Variants in ALKBH6 observed in about 807,000 individuals in gnomAD.
ALKBH6 encodes probable RNA/DNA demethylase ALKBH6.
In ALKBH6, 20 loss-of-function variants were observed where a neutral mutation model predicts 25.1. The observed-to-expected ratio is 0.80, with a 90% CI of 0.56 to 1.16. The LOEUF (loss-of-function observed/expected upper bound fraction) is 1.16, where lower values mean the gene tolerates loss of function less well. Among genes scored for constraint, ALKBH6 ranks in the 50% most tolerant of loss-of-function variants. ALKBH6 has a pLI of 0.00. For synonymous variants in ALKBH6, 156 were observed against 147.5 expected (o/e 1.06, Z -0.42); for missense variants, 263 against 326.5 (o/e 0.81, Z 1.50).
rs1007247847 is a variant in ALKBH6 at position 36,013,712 on chromosome 19, A to C, written c.-25-290T>G. The C allele has an allele frequency of 1.9e-5, 24 of 1,237,198 alleles. No homozygotes were observed. In the East Asian group the frequency reaches 3.2e-4, roughly 16 times the overall value. 76.6% of individuals were successfully genotyped at this position (1,237,198 alleles called of 1,614,324 possible). On this transcript the variant is annotated intron_variant, in intron 1 of 6. Coordinates refer to ENST00000378875, the MANE Select transcript of ALKBH6 (RefSeq NM_032878.5). The surrounding 1 kb of genome is among the most constrained non-coding windows in gnomAD (Gnocchi z 4.6). ...CCCACAGAGAACATTCTCTGGCCCC[A>C]CACACAGGGAGCCTTTCTCAAAAGC...
At position 36,009,240 on chromosome 19, in the gene ALKBH6, G is replaced by C; in HGVS notation, c.*50C>G. On this transcript the variant is annotated 3_prime_UTR_variant, in exon 7 of 7. Coordinates refer to ENST00000378875, the MANE Select transcript of ALKBH6 (RefSeq NM_032878.5). The stretch of plus-strand genomic sequence containing the variant: ...GTTCCTAGGTCGCGGAGTCACAGCA[G>C]CCCCAAAGGGGCAGGAACCTGGGAA... The C allele has an allele frequency of 1.6e-6, 2 of 1,277,742 alleles. No homozygotes were observed. Among genetic ancestry groups the C allele is most frequent in the Non-Finnish European group, 2.0e-6 (2 of 1,013,174 alleles). 79.2% of individuals were successfully genotyped at this position (1,277,742 alleles called of 1,614,324 possible).
In ALKBH6 at chr19:36,009,255, G is replaced by T; in HGVS notation, c.*35C>A. 7.7e-7 allele frequency: 1 copy of T among 1,299,384 alleles called. No homozygotes were observed. 80.5% of individuals were successfully genotyped at this position (1,299,384 alleles called of 1,614,324 possible). A position where few individuals can be genotyped will look rare whatever the true frequency, so the allele number is the denominator to read the frequency against. Reference sequence around the variant, plus strand: ...AGTCACAGCAGCCCCAAAGGGGCAGGAACCTGGGAATCCGAGGGGTCCCGG... The same window carrying T: ...AGTCACAGCAGCCCCAAAGGGGCAGTAACCTGGGAATCCGAGGGGTCCCGG... On this transcript the variant is annotated 3_prime_UTR_variant, in exon 7 of 7. Transcript: ENST00000378875.
At chr19:36,011,295 G>T (rs878926311) in intron 4 of ALKBH6, 109 bp downstream of exon 4, 1 of 1,395,612 alleles carries the variant, frequency 7.2e-7, no homozygotes, top group Non-Finnish European at 9.8e-7. Context: ...GGCTCTTGGG[G>T]CCCCTTGAGC....
chr19:36,010,776 G>A lies in ALKBH6; in HGVS notation c.337-93C>T. 1.3e-6 allele frequency: 2 copies of A among 1,560,202 alleles called. No individual in the cohort carries two copies. The highest frequency in any genetic ancestry group is 3.4e-5 in the Admixed American group (2 of 59,662). ...GGCTTCCCAAGCCAGGGACAGGGAG[G>A]TGAATGCCTGTTTGGGAGATGTGGC... On this transcript the variant is annotated intron_variant, in intron 5 of 6. Transcript: ENST00000378875. This position sits in a 1 kb window ranked among gnomAD's most constrained non-coding sequence, Gnocchi z 5.5.
rs763617913 is a variant in ALKBH6 at position 36,010,881 on chromosome 19, G to A, written c.336+13C>T. 6.2e-7 allele frequency: 1 copy of A among 1,613,704 alleles called. No homozygotes were observed. The highest frequency in any genetic ancestry group is 8.5e-7 in the Non-Finnish European group (1 of 1,179,840). On this transcript the variant is annotated intron_variant, in intron 5 of 6. Coordinates refer to ENST00000378875, the MANE Select transcript of ALKBH6 (RefSeq NM_032878.5). The surrounding 1 kb of genome is among the most constrained non-coding windows in gnomAD (Gnocchi z 5.5). Reference sequence around the variant, plus strand: ...TCTGAGTGGGGGGACACGGGCCGAGGGTGTGTGGTTACCATGATGCCCTCC... The same window carrying A: ...TCTGAGTGGGGGGACACGGGCCGAGAGTGTGTGGTTACCATGATGCCCTCC...
At chr19:36,011,664 T>A (rs535931639) in intron 3 of ALKBH6, 200 bp from the exon 4 acceptor site, 1 of 559,156 alleles carries the variant, frequency 1.8e-6, no homozygotes, top group African/African-American at 1.9e-5. Flanking sequence ...AAAGCCCACC[T>A]GTGTCTACCA....
Position 36,009,280 on chromosome 19 carries a change from G to A in ALKBH6, c.*10C>T, listed in dbSNP as rs1463964650. On this transcript the variant is annotated 3_prime_UTR_variant, in exon 7 of 7. Coordinates refer to ENST00000378875, the MANE Select transcript of ALKBH6 (RefSeq NM_032878.5). Reference sequence around the variant, plus strand: ...GAACCTGGGAATCCGAGGGGTCCCGGCCCTGGCGGTCACTTGCCCAGCAGG... The same window carrying A: ...GAACCTGGGAATCCGAGGGGTCCCGACCCTGGCGGTCACTTGCCCAGCAGG... The A allele has an allele frequency of 1.0e-5, 14 of 1,342,410 alleles. No homozygotes were observed. The highest frequency in any genetic ancestry group is 3.6e-5 in the Admixed American group (1 of 28,116). 83.2% of individuals were successfully genotyped at this position (1,342,410 alleles called of 1,614,324 possible). A position where few individuals can be genotyped will look rare whatever the true frequency, so the allele number is the denominator to read the frequency against.
At position 36,013,953 on chromosome 19, in the gene ALKBH6, T is replaced by G. The variant is rs1050018831; in HGVS notation, c.-26+222A>C. 2 of 1,371,210 alleles carry G rather than the reference T, an allele frequency of 1.5e-6. No individual in the cohort carries two copies. The highest frequency in any genetic ancestry group is 1.9e-6 in the Non-Finnish European group (2 of 1,068,538). 84.9% of individuals were successfully genotyped at this position (1,371,210 alleles called of 1,614,324 possible). ...CCCCCCATTTGGACGCCCCTCGGAT[T>G]TCCCCTCCTGAGCGCCCCTTCACTC... On this transcript the variant is annotated intron_variant, in intron 1 of 6. Coordinates refer to ENST00000378875, the MANE Select transcript of ALKBH6 (RefSeq NM_032878.5). The surrounding 1 kb of genome is among the most constrained non-coding windows in gnomAD (Gnocchi z 4.6).
Position 36,009,537 on chromosome 19 carries a change from C to CG in ALKBH6, c.469dup (p.Arg157ProfsTer107). 1 of 931,570 alleles carries CG rather than the reference C, an allele frequency of 1.1e-6. No individual in the cohort carries two copies. The allele number at this position is 931,570 out of a possible 1,614,324, so 57.7% of individuals were successfully genotyped here. On this transcript the variant is annotated frameshift_variant, in exon 7 of 7. Transcript: ENST00000378875. LOFTEE classifies it high-confidence loss of function. ...TTCCAGCAGTAGCGAGGTGGTGGGC[C>CG]GGGGCGGAGGCCGAGGCTGCAGGGC...
Position 36,011,450 on chromosome 19 carries a change from T to C in ALKBH6, c.138A>G (p.Pro46=), listed in dbSNP as rs756857341. The change falls in exon 4 of 7, where the codon CCA becomes CCG. Residue 46 remains proline, a synonymous_variant. Coordinates refer to ENST00000378875, the MANE Select transcript of ALKBH6 (RefSeq NM_032878.5). ...CAGAGAGCTGGGTCCACTTTGGCTT[T>C]GGGGCATTAAAAACCTAAGAGGTGG... ...EYLLRQVFNA[P]KPKWTQLSGR... The C allele has an allele frequency of 2.5e-6, 4 of 1,613,684 alleles. No individual in the cohort carries two copies. The highest frequency in any genetic ancestry group is 3.4e-6 in the Non-Finnish European group (4 of 1,179,954).
At position 36,009,278 on chromosome 19, in the gene ALKBH6, C is replaced by G. The variant is rs1968506862; in HGVS notation, c.*12G>C. 1.5e-6 allele frequency: 2 copies of G among 1,338,044 alleles called. No homozygotes were observed. Among genetic ancestry groups the G allele is most frequent in the Admixed American group, 7.2e-5 (2 of 27,706 alleles). 82.9% of individuals were successfully genotyped at this position (1,338,044 alleles called of 1,614,324 possible). A position where few individuals can be genotyped will look rare whatever the true frequency, so the allele number is the denominator to read the frequency against. Reference sequence around the variant, plus strand: ...AGGAACCTGGGAATCCGAGGGGTCCCGGCCCTGGCGGTCACTTGCCCAGCA... The same window carrying G: ...AGGAACCTGGGAATCCGAGGGGTCCGGGCCCTGGCGGTCACTTGCCCAGCA... On this transcript the variant is annotated 3_prime_UTR_variant, in exon 7 of 7. Transcript: ENST00000378875.
At position 36,009,275 on chromosome 19, in the gene ALKBH6, T is replaced by C; in HGVS notation, c.*15A>G. ...GGCAGGAACCTGGGAATCCGAGGGG[T>C]CCCGGCCCTGGCGGTCACTTGCCCA... On this transcript the variant is annotated 3_prime_UTR_variant, in exon 7 of 7. Coordinates refer to ENST00000378875, the MANE Select transcript of ALKBH6 (RefSeq NM_032878.5). 1.5e-6 allele frequency: 2 copies of C among 1,335,856 alleles called. No homozygotes were observed. Among genetic ancestry groups the C allele is most frequent in the Non-Finnish European group, 1.9e-6 (2 of 1,044,044 alleles). The allele number at this position is 1,335,856 out of a possible 1,614,324, so 82.8% of individuals were successfully genotyped here.
At position 36,009,123 on chromosome 19, in the gene ALKBH6, A is replaced by G; in HGVS notation, c.*167T>C. 8.5e-7 allele frequency: 1 copy of G among 1,180,142 alleles called. No homozygotes were observed. Among genetic ancestry groups the G allele is most frequent in the East Asian group, 3.2e-5 (1 of 30,982 alleles). 73.1% of individuals were successfully genotyped at this position (1,180,142 alleles called of 1,614,324 possible). On this transcript the variant is annotated 3_prime_UTR_variant, in exon 7 of 7. Transcript: ENST00000378875. ...AAAATAAAAATATAAAACCAAGGAAAGATTTTTTTGTTTATTTGGTATGGG... is the reference window on the plus strand; with the variant it reads ...AAAATAAAAATATAAAACCAAGGAAGGATTTTTTTGTTTATTTGGTATGGG...
chr19:36,009,586 A>AAT, intron 6 of ALKBH6, 33 bp from the exon 7 acceptor site: 1 of 365,192 alleles, frequency 2.7e-6, no homozygotes, highest in Non-Finnish European at 3.6e-6. Flanking sequence ...GCAGGGCTCA[A>AAT]GAAGTCGGGG....
In ALKBH6 at chr19:36,009,534, G is replaced by T; in HGVS notation, c.473C>A (p.Pro158His). 8.0e-7 allele frequency: 1 copy of T among 1,257,740 alleles called. No individual in the cohort carries two copies. 77.9% of individuals were successfully genotyped at this position (1,257,740 alleles called of 1,614,324 possible). A position where few individuals can be genotyped will look rare whatever the true frequency, so the allele number is the denominator to read the frequency against. ...CGGTTCCAGCAGTAGCGAGGTGGTGGGCCGGGGCGGAGGCCGAGGCTGCAG... is the reference window on the plus strand; with the variant it reads ...CGGTTCCAGCAGTAGCGAGGTGGTGTGCCGGGGCGGAGGCCGAGGCTGCAG... ...PTEQPRPPPR[P>H]TTSLLLEPRS... Residue 158 changes from proline to histidine, a missense_variant, in exon 7 of 7, where the codon CCC (proline) becomes CAC (histidine). Transcript: ENST00000378875.
Position 36,010,725 on chromosome 19 carries a change from A to C in ALKBH6, c.337-42T>G, listed in dbSNP as rs1484046692. 1 of 1,593,268 alleles carries C rather than the reference A, an allele frequency of 6.3e-7. No homozygotes were observed. The highest frequency in any genetic ancestry group is 1.7e-4 in the Middle Eastern group (1 of 6,016). On this transcript the variant is annotated intron_variant, in intron 5 of 6. Transcript: ENST00000378875. This position sits in a 1 kb window ranked among gnomAD's most constrained non-coding sequence, Gnocchi z 5.5. Reference sequence around the variant, plus strand: ...AGGGCTGGGCAGGGCAGGAGTCCACAACCCCCACCCTCTGGGTCAAAGGGG... The same window carrying C: ...AGGGCTGGGCAGGGCAGGAGTCCACCACCCCCACCCTCTGGGTCAAAGGGG...
chr19:36,009,396 C>T lies in ALKBH6; in HGVS notation c.611G>A (p.Cys204Tyr). The change falls in exon 7 of 7, where the codon TGC (cysteine) becomes TAC (tyrosine). Residue 204 changes from cysteine (C) to tyrosine (Y), a missense_variant. Physicochemically the swap from Cys to Tyr is radical, Grantham distance 194. Coordinates refer to ENST00000378875, the MANE Select transcript of ALKBH6 (RefSeq NM_032878.5). ...GCAGGCTCCCGGCCGCGCCGACGGGCAGGCTGCCGCATTGGGCGGCGAGGA... is the reference window on the plus strand; with the variant it reads ...GCAGGCTCCCGGCCGCGCCGACGGGTAGGCTGCCGCATTGGGCGGCGAGGA... ...AASSPPNAAACPSARPGACLV... is the reference protein window; with the variant it reads ...AASSPPNAAAYPSARPGACLV... 1 of 1,252,022 alleles carries T rather than the reference C, an allele frequency of 8.0e-7. No individual in the cohort carries two copies. The highest frequency in any genetic ancestry group is 3.3e-5 in the South Asian group (1 of 30,370). The allele number at this position is 1,252,022 out of a possible 1,614,324, so 77.6% of individuals were successfully genotyped here. A position where few individuals can be genotyped will look rare whatever the true frequency, so the allele number is the denominator to read the frequency against.
chr19:36,011,943 G>A (rs1230896440), intron 3 of ALKBH6: 1 of 154,894 alleles, frequency 6.5e-6, no homozygotes, highest in Non-Finnish European at 1.4e-5. Context: ...AAACTTAGCT[G>A]GGCATGGTGG....
rs2145364937 is a variant in ALKBH6, at chr19:36,009,228, G to A, written c.*62C>T. 7.1e-6 allele frequency: 9 copies of A among 1,258,892 alleles called. No individual in the cohort carries two copies. Among genetic ancestry groups the A allele is most frequent in the Non-Finnish European group, 8.0e-6 (8 of 1,002,998 alleles). 78.0% of individuals were successfully genotyped at this position (1,258,892 alleles called of 1,614,324 possible). ...CCTTTGCCCACGGTTCCTAGGTCGCGGAGTCACAGCAGCCCCAAAGGGGCA... is the reference window on the plus strand; with the variant it reads ...CCTTTGCCCACGGTTCCTAGGTCGCAGAGTCACAGCAGCCCCAAAGGGGCA... On this transcript the variant is annotated 3_prime_UTR_variant, in exon 7 of 7. Transcript: ENST00000378875.
Sources: gnomAD v4.1 joint callset for allele counts on GRCh38, gnomAD v4.1.1 for gene constraint, Gnocchi (gnomAD v3.1) non-coding constraint, MANE v1.5 for transcripts, NCBI Gene and HGNC (gene_info 2026-07-23, HGNC 2026-07-21) for gene names.